Variants in DPP10 observed in about 807,000 individuals in gnomAD.
DPP10 encodes dipeptidyl peptidase like 10, also known as inactive dipeptidyl peptidase 10.
Under a neutral mutation model 120.9 loss-of-function variants are expected in DPP10, and 33 were observed. The ratio of observed to expected loss-of-function variants is 0.27; its 90% CI spans 0.21 to 0.37. The LOEUF (loss-of-function observed/expected upper bound fraction) is 0.37. Among genes scored for constraint, DPP10 ranks in the 10% least tolerant of loss-of-function variants. The pLI is 1.00. For synonymous variants in DPP10, 337 were observed against 326.1 expected (o/e 1.03, Z -0.36); for missense variants, 816 against 942.8 (o/e 0.87, Z 1.76).
At chr2:114,664,626 C>CAAAA (rs374561367) in intron 1 of DPP10, among the ~76,000 whole-genome samples, 80 of 79,926 alleles carry the variant, frequency 1.0e-3, no homozygotes, top group South Asian at 2.2e-3. Flanking sequence ...GACTCCGTCT[C>CAAAA]AAAAAAAAAA....
intron 1 of DPP10, among the ~76,000 whole-genome samples, chr2:114,576,072 A>G (rs1690025055): frequency 6.6e-6 from 1 of 152,220 alleles, no homozygotes; most frequent in African/African-American, 2.4e-5. Flanking sequence ...TTATCAACAA[A>G]CTGCTGGTTA....
intron 2 of DPP10, among the ~76,000 whole-genome samples, chr2:115,321,051 G>A (rs2062031707): frequency 6.6e-6 from 1 of 152,186 alleles, no homozygotes; most frequent in African/African-American, 2.4e-5. Context: ...TGTAATCCCA[G>A]CACTTTGGGA....
At position 115,763,090 on chromosome 2, in the gene DPP10, T is replaced by C. The variant is rs139233975; in HGVS notation, c.1113+480T>C. ...TGAACATGACGGACTAAAAACCTAATCACTGTTACATGGTCTCATCCTGGA... is the reference window on the plus strand; with the variant it reads ...TGAACATGACGGACTAAAAACCTAACCACTGTTACATGGTCTCATCCTGGA... On this transcript the variant is annotated intron_variant, in intron 12 of 25. Coordinates refer to ENST00000410059, the MANE Select transcript of DPP10 (RefSeq NM_020868.6). Among the ~76,000 whole-genome samples the C allele has an allele frequency of 1.7e-4, 26 of 152,248 alleles. No individual in the cohort carries two copies. In the East Asian group the frequency reaches 3.7e-3, roughly 22 times the overall value.
rs1305575465 is a variant in DPP10, at chr2:114,622,054, G to A, written c.60+179216G>A. ...TATATTGCCTGTGTGTAATGAAGTG[G>A]TAAGTTGAGTAATAGACTAATACTA... On this transcript the variant is annotated intron_variant, in intron 1 of 25. Transcript: ENST00000410059. Among the ~76,000 whole-genome samples the A allele has an allele frequency of 2.6e-5, 4 of 151,918 alleles. No individual in the cohort carries two copies. The East Asian group carries it at 7.8e-4, about 30-fold the overall frequency.
At chr2:115,609,015 T>C (rs1404639737) in intron 5 of DPP10, among the ~76,000 whole-genome samples, 1 of 151,492 alleles carries the variant, frequency 6.6e-6, no homozygotes, top group Non-Finnish European at 1.5e-5. Context: ...AAAGAAACAA[T>C]CTATGAACAA....
chr2:114,574,489 C>A lies in DPP10; in HGVS notation c.60+131651C>A, dbSNP rs1689906598. Among the ~76,000 whole-genome samples, 4 of 152,262 alleles carry A rather than the reference C, an allele frequency of 2.6e-5. No homozygotes were observed. In the South Asian group the frequency reaches 8.3e-4, roughly 32 times the overall value. ...CAGGCCTGCTTGGAGGCCCTGTCTGCTGAGCCTTGGGAATGTGAAGAGGAA... is the reference window on the plus strand; with the variant it reads ...CAGGCCTGCTTGGAGGCCCTGTCTGATGAGCCTTGGGAATGTGAAGAGGAA... On this transcript the variant is annotated intron_variant, in intron 1 of 25. Coordinates refer to ENST00000410059, the MANE Select transcript of DPP10 (RefSeq NM_020868.6).
At chr2:115,273,228 C>T (rs1028809497) in intron 1 of DPP10, among the ~76,000 whole-genome samples, 21 of 152,128 alleles carry the variant, frequency 1.4e-4, no homozygotes, top group Non-Finnish European at 2.6e-4. Flanking sequence ...CAATTTTATT[C>T]ATTGATTTAT....
At chr2:114,977,500 A>G (rs1699826104) in intron 1 of DPP10, among the ~76,000 whole-genome samples, 1 of 152,132 alleles carries the variant, frequency 6.6e-6, no homozygotes, top group Non-Finnish European at 1.5e-5. Context: ...AGCTGAGACC[A>G]TTCCTTGTTG....
At chr2:114,472,809 A>G (rs1680035016) in intron 1 of DPP10, among the ~76,000 whole-genome samples, 1 of 152,210 alleles carries the variant, frequency 6.6e-6, no homozygotes, top group Non-Finnish European at 1.5e-5. Flanking sequence ...AATGAGGCAA[A>G]AAGAAATGCT....
At chr2:115,004,847 G>C (rs1208200353) in intron 1 of DPP10, among the ~76,000 whole-genome samples, 1 of 152,176 alleles carries the variant, frequency 6.6e-6, no homozygotes, top group Admixed American at 6.5e-5. Context: ...CGGGAAGCTT[G>C]AACTGGGTGG....
intron 5 of DPP10, among the ~76,000 whole-genome samples, chr2:115,630,115 C>G (rs1231045474): frequency 6.6e-6 from 1 of 152,020 alleles, no homozygotes; most frequent in Non-Finnish European, 1.5e-5. Flanking sequence ...TGAAGAGGTC[C>G]TTCACCTCCC....
intron 1 of DPP10, among the ~76,000 whole-genome samples, chr2:115,117,792 C>T (rs935775801): frequency 1.4e-4 from 21 of 152,192 alleles, no homozygotes; most frequent in Middle Eastern, 3.4e-3. Flanking sequence ...TACAACTAGA[C>T]AAGGAACCTT....
intron 13 of DPP10, among the ~76,000 whole-genome samples, chr2:115,771,369 C>T (rs551581933): frequency 1.2e-4 from 18 of 152,100 alleles, no homozygotes; most frequent in African/African-American, 3.4e-4. Context: ...CCACCACGCC[C>T]GGCCTGTACT....
chr2:115,753,140 C>A, intron 10 of DPP10, 34 bp from the exon 11 acceptor site: 1 of 1,598,820 alleles, frequency 6.3e-7, no homozygotes, highest in Non-Finnish European at 8.5e-7. Flanking sequence ...TGCTCTGGCT[C>A]TAAACATACA....
Position 114,442,710 on chromosome 2 carries a change from G to C in DPP10, c.-69G>C. 1 of 1,588,576 alleles carries C rather than the reference G, an allele frequency of 6.3e-7. No individual in the cohort carries two copies. Among genetic ancestry groups the C allele is most frequent in the Non-Finnish European group, 8.6e-7 (1 of 1,160,730 alleles). On this transcript the variant is annotated 5_prime_UTR_variant, in exon 1 of 26. Transcript: ENST00000410059. ...CAGCAGCCCCTACTGAAGTCCAATA[G>C]AGGAGACTTGATCTCTAGTTCATTC...
chr2:114,482,755 A>T (rs36044619), intron 1 of DPP10, among the ~76,000 whole-genome samples: 1,726 of 152,266 alleles, frequency 0.011, 28 homozygotes, highest in Middle Eastern at 0.044. Context: ...TTTGTCAGAG[A>T]TTGCTTATTA....
chr2:115,762,534 T>C, intron 11 of DPP10, 38 bp from the exon 12 acceptor site: 3 of 1,612,346 alleles, frequency 1.9e-6, no homozygotes. Flanking sequence ...CTCATTTTGG[T>C]CTTTAGATGC....
intron 5 of DPP10, among the ~76,000 whole-genome samples, chr2:115,575,487 C>A (rs990813304): frequency 6.6e-6 from 1 of 152,086 alleles, no homozygotes; most frequent in African/African-American, 2.4e-5. Context: ...AAAGATCAAA[C>A]GTAGTTTTTC....
chr2:114,840,969 A>G (rs1160907444), intron 1 of DPP10, among the ~76,000 whole-genome samples: 1 of 152,058 alleles, frequency 6.6e-6, no homozygotes, highest in Non-Finnish European at 1.5e-5. Context: ...AAGCTTCCCT[A>G]CCAGACTGGA....
Sources: allele counts gnomAD v4.1 joint callset (sites outside exome capture counted in the v4.1 genomes callset), GRCh38; gene constraint gnomAD v4.1.1; transcripts MANE v1.5; gene names NCBI Gene and HGNC (gene_info 2026-07-23, HGNC 2026-07-21).